The following THEMIS variants were observed in gnomAD, a reference collection of about 807,000 sequenced individuals.
THEMIS encodes the protein thymocyte selection associated, also known as protein THEMIS.
In THEMIS, 37 loss-of-function variants were observed where a neutral mutation model predicts 52.6. The observed-to-expected ratio is 0.70, with a 90% CI of 0.54 to 0.93. THEMIS has a LOEUF of 0.93. THEMIS is among the 40% of genes least tolerant of loss of function. THEMIS has a pLI of 0.00. For synonymous variants in THEMIS, 292 were observed against 272.7 expected, an observed-to-expected ratio of 1.07 and a Z score of -0.70; for missense variants, 808 against 763.1, an observed-to-expected ratio of 1.06 and a Z score of -0.69.
intron 1 of THEMIS, among the ~76,000 whole-genome samples, chr6:127,874,607 T>C (rs1468176649): frequency 2.6e-5 from 4 of 152,184 alleles, no homozygotes; most frequent in Admixed American, 6.5e-5. Context: ...AATCTGCATA[T>C]AAGTGGACCC....
chr6:127,866,205 G>A lies in THEMIS; in HGVS notation c.92-11017C>T, dbSNP rs561846078. On this transcript the variant is annotated intron_variant, in intron 1 of 5. Transcript: ENST00000368248. ...TTCTGTTTTATTGAAGTCTTTAATC[G>A]AAAGAATAAAGATAGATTAATGATT... Among the ~76,000 whole-genome samples the A allele has an allele frequency of 1.8e-4, 28 of 151,612 alleles. 1 individual carries two copies. The East Asian group carries it at 3.9e-3, about 21-fold the overall frequency.
At chr6:127,759,404 C>G (rs1193249450) in intron 4 of THEMIS, among the ~76,000 whole-genome samples, 1 of 152,126 alleles carries the variant, frequency 6.6e-6, no homozygotes, top group Non-Finnish European at 1.5e-5. Context: ...ATATATTCAA[C>G]TACCCTCCAA....
At chr6:127,902,236 G>A (rs867848180), upstream of THEMIS, among the ~76,000 whole-genome samples, 1 of 148,084 alleles carries the variant, frequency 6.8e-6, no homozygotes, top group South Asian at 2.1e-4. Context: ...GAGGAAGGAG[G>A]ATCACTTGAG....
At chr6:127,891,738 C>A (rs1780817755) in intron 1 of THEMIS, among the ~76,000 whole-genome samples, 1 of 152,016 alleles carries the variant, frequency 6.6e-6, no homozygotes, top group Admixed American at 6.6e-5. Flanking sequence ...AGCCAGTGAT[C>A]TTCCTCAAAT....
chr6:127,714,751 T>C (rs1394085823), intron 5 of THEMIS, among the ~76,000 whole-genome samples: 2 of 151,914 alleles, frequency 1.3e-5, no homozygotes, highest in African/African-American at 4.8e-5. Flanking sequence ...CCTCATGGAA[T>C]AGTTTCCCAG....
At chr6:127,830,177 A>G (rs1778653888) in intron 2 of THEMIS, among the ~76,000 whole-genome samples, 1 of 152,172 alleles carries the variant, frequency 6.6e-6, no homozygotes, top group African/African-American at 2.4e-5. Context: ...AATACCTTGA[A>G]ATAGAAAAGA....
the THEMIS span, among the ~76,000 whole-genome samples, chr6:127,698,561 C>G: frequency 1.3e-5 from 2 of 152,028 alleles, no homozygotes; most frequent in Non-Finnish European, 2.9e-5. Flanking sequence ...GAGTTTTCTC[C>G]TCCTGTTATA....
chr6:127,719,277 A>G (rs1252753116), intron 5 of THEMIS, among the ~76,000 whole-genome samples: 2 of 151,930 alleles, frequency 1.3e-5, no homozygotes, highest in African/African-American at 4.8e-5. Context: ...AAACTAAACC[A>G]TCATAATTCA....
chr6:127,775,470 T>C (rs1776534784), intron 4 of THEMIS, among the ~76,000 whole-genome samples: 1 of 152,144 alleles, frequency 6.6e-6, no homozygotes, highest in Admixed American at 6.5e-5. Flanking sequence ...CAATTTCTGC[T>C]GAGAGGAAAA....
chr6:127,886,586 G>T (rs1265255303), intron 1 of THEMIS, among the ~76,000 whole-genome samples: 5 of 152,094 alleles, frequency 3.3e-5, no homozygotes, highest in African/African-American at 1.2e-4. Flanking sequence ...ATTTGTAGGG[G>T]CTGGAGACTG....
At chr6:127,762,309 A>G (rs571101445) in intron 4 of THEMIS, among the ~76,000 whole-genome samples, 56 of 152,234 alleles carry the variant, frequency 3.7e-4, no homozygotes, top group Non-Finnish European at 7.8e-4. Flanking sequence ...AATAAGCTCT[A>G]AAGATATTGT....
intron 3 of THEMIS, among the ~76,000 whole-genome samples, chr6:127,825,977 T>C (rs1047176273): frequency 6.6e-6 from 1 of 152,186 alleles, no homozygotes; most frequent in African/African-American, 2.4e-5. Context: ...GTCACAATAA[T>C]GAAAATATTA....
At chr6:127,894,512 C>CAG (rs1780905352) in intron 1 of THEMIS, among the ~76,000 whole-genome samples, 1 of 151,672 alleles carries the variant, frequency 6.6e-6, no homozygotes, top group South Asian at 2.1e-4. Flanking sequence ...GTTAAAAATA[C>CAG]TTAGAAAAAA....
chr6:127,814,405 T>C (rs1238011104), intron 3 of THEMIS, among the ~76,000 whole-genome samples: 1 of 152,226 alleles, frequency 6.6e-6, no homozygotes, highest in Admixed American at 6.5e-5. Flanking sequence ...AGACTTTATA[T>C]ATCAAATTAT....
In THEMIS at chr6:127,757,552, G is replaced by A. The variant is rs573224161; in HGVS notation, c.1759-37729C>T. Among the ~76,000 whole-genome samples, 406 of 151,508 alleles carry A rather than the reference G, an allele frequency of 2.7e-3. 1 individual carries two copies. Among genetic ancestry groups the A allele is most frequent in the Middle Eastern group, 0.01 (3 of 294 alleles). The stretch of plus-strand genomic sequence containing the variant: ...GGCTGGAGTGCAGTGGCGCTATCTC[G>A]GCTCACTGCAAGCTCTGCCTCCCGG... On this transcript the variant is annotated intron_variant, in intron 4 of 5. Transcript: ENST00000368248.
At chr6:127,719,099 T>C (rs140550938) in intron 5 of THEMIS, among the ~76,000 whole-genome samples, 2 of 152,008 alleles carry the variant, frequency 1.3e-5, no homozygotes, top group African/African-American at 4.8e-5. Flanking sequence ...GTGTCTAAAA[T>C]ATTGGCAAGA....
chr6:127,832,225 GTCA>G (rs1778719558), intron 2 of THEMIS, among the ~76,000 whole-genome samples: 1 of 152,014 alleles, frequency 6.6e-6, no homozygotes, highest in African/African-American at 2.4e-5. Context: ...AACCCTAAAG[GTCA>G]TCATTATTTC....
At chr6:127,723,660 C>T (rs1774441734) in intron 4 of THEMIS, among the ~76,000 whole-genome samples, 1 of 151,962 alleles carries the variant, frequency 6.6e-6, no homozygotes, top group South Asian at 2.1e-4. Flanking sequence ...ATCACTCTTC[C>T]TTCCTGTCTG....
chr6:127,828,962 C>T (rs1428674936), intron 3 of THEMIS, among the ~76,000 whole-genome samples: 1 of 152,088 alleles, frequency 6.6e-6, no homozygotes, highest in Non-Finnish European at 1.5e-5. Flanking sequence ...ATTAATTTGT[C>T]ATATAATTTT....
Sources: allele counts gnomAD v4.1 joint callset (sites outside exome capture counted in the v4.1 genomes callset), GRCh38; gene constraint gnomAD v4.1.1; transcripts MANE v1.5; gene names NCBI Gene and HGNC (gene_info 2026-07-23, HGNC 2026-07-21).